ADGRV1: variants seen among roughly 807,000 people sequenced by gnomAD.
ADGRV1 encodes adhesion G protein-coupled receptor V1.
ADGRV1 carries 359 observed loss-of-function variants against 596.2 expected under a neutral mutation model. That is an observed-to-expected ratio of 0.60 (90% confidence interval 0.55 to 0.66). ADGRV1 has a LOEUF of 0.66. Among genes scored for constraint, ADGRV1 ranks in the 30% least tolerant of loss-of-function variants. The probability of loss-of-function intolerance (pLI) is 0.00; values close to 1 mark genes in which losing one functional copy is unlikely to be tolerated. For missense variants in ADGRV1, 7,274 were observed against 7,575.6 expected, an observed-to-expected ratio of 0.96 and a Z score of 1.48; for synonymous variants, 2,681 against 2,679.2, an observed-to-expected ratio of 1.00 and a Z score of -0.02.
At chr5:90,871,621 AC>A in intron 83 of ADGRV1, among the ~76,000 whole-genome samples, 1 of 152,342 alleles carries the variant, frequency 6.6e-6, no homozygotes, top group East Asian at 1.9e-4. Context: ...TCCAGACTTT[AC>A]CAAAAAATAC....
At chr5:90,979,663 CAT>C (rs1055995905) in intron 84 of ADGRV1, among the ~76,000 whole-genome samples, 2 of 152,130 alleles carry the variant, frequency 1.3e-5, no homozygotes, top group African/African-American at 4.8e-5. Flanking sequence ...GCTAAAAAAA[CAT>C]AGTCTGCATA....
chr5:90,960,161 C>T (rs1036419366), intron 83 of ADGRV1, among the ~76,000 whole-genome samples: 6 of 134,748 alleles, frequency 4.5e-5, no homozygotes, highest in Non-Finnish European at 9.3e-5. Context: ...AAACAAAAAA[C>T]AGATCAGTGT....
intron 85 of ADGRV1, among the ~76,000 whole-genome samples, chr5:91,037,104 T>C (rs1018905241): frequency 6.6e-6 from 1 of 152,162 alleles, no homozygotes. Flanking sequence ...CAGTTCTCCT[T>C]GCCCCAAAGA....
At chr5:90,915,811 G>A (rs1324420139) in intron 83 of ADGRV1, among the ~76,000 whole-genome samples, 2 of 152,188 alleles carry the variant, frequency 1.3e-5, no homozygotes, top group Non-Finnish European at 2.9e-5. Flanking sequence ...GATTTTAACT[G>A]TAAAAATGCA....
In ADGRV1 at chr5:90,783,954, T is replaced by A; in HGVS notation, c.13550T>A (p.Ile4517Lys). ...IAKSDSPFGV[I>K]RFLNQSKISI... ...AAGAGTGACTCTCCCTTTGGAGTTATAAGGTTTCTCAATCAAAGCAAAATT... is the reference window on the plus strand; with the variant it reads ...AAGAGTGACTCTCCCTTTGGAGTTAAAAGGTTTCTCAATCAAAGCAAAATT... The change falls in exon 67 of 90, where the codon ATA becomes AAA. Residue 4517 changes from isoleucine to lysine, a missense_variant. Coordinates refer to ENST00000405460, the MANE Select transcript of ADGRV1 (RefSeq NM_032119.4). 6.2e-7 allele frequency: 1 copy of A among 1,612,400 alleles called. No homozygotes were observed. Among genetic ancestry groups the A allele is most frequent in the Non-Finnish European group, 8.5e-7 (1 of 1,179,232 alleles).
intron 21 of ADGRV1, among the ~76,000 whole-genome samples, chr5:90,670,740 A>G (rs757665258): frequency 4.8e-4 from 73 of 152,190 alleles, no homozygotes; most frequent in Non-Finnish European, 9.3e-4. Flanking sequence ...AGCAGCAGAG[A>G]CCAAAGCTAA....
intron 83 of ADGRV1, among the ~76,000 whole-genome samples, chr5:90,878,158 T>C (rs1233726801): frequency 6.6e-6 from 1 of 152,138 alleles, no homozygotes; most frequent in Non-Finnish European, 1.5e-5. Flanking sequence ...AGAAGCAAGT[T>C]TGAGAGAATA....
rs1436886858 is a variant in ADGRV1 at position 90,992,967 on chromosome 5, A to G, written c.18152+7445A>G. On this transcript the variant is annotated intron_variant, in intron 85 of 89. Coordinates refer to ENST00000405460, the MANE Select transcript of ADGRV1 (RefSeq NM_032119.4). ...TACATACTTACATAATTATAGCACA[A>G]TGATCATAACTAGGAAATTAACAAT... 2.6e-5 allele frequency among the ~76,000 whole-genome samples: 4 copies of G among 152,240 alleles called. No homozygotes were observed. The East Asian group carries it at 5.8e-4, about 22-fold the overall frequency.
intron 59 of ADGRV1, among the ~76,000 whole-genome samples, chr5:90,769,112 G>A (rs1757430312): frequency 6.6e-6 from 1 of 152,122 alleles, no homozygotes; most frequent in Admixed American, 6.5e-5. Flanking sequence ...ATTTGCAAAG[G>A]AGCCTGTCAG....
chr5:90,560,862 G>A (rs1356383413), intron 1 of ADGRV1, among the ~76,000 whole-genome samples: 1 of 152,240 alleles, frequency 6.6e-6, no homozygotes, highest in Middle Eastern at 3.4e-3. Flanking sequence ...AAAAATGTGA[G>A]AGGGCAGAAG....
chr5:91,040,590 A>G (rs1425613799), intron 85 of ADGRV1, among the ~76,000 whole-genome samples: 1 of 152,212 alleles, frequency 6.6e-6, no homozygotes, highest in Non-Finnish European at 1.5e-5. Flanking sequence ...AGGTGGTATC[A>G]TCATACATAC....
chr5:90,868,648 CT>C (rs35485525), intron 83 of ADGRV1, among the ~76,000 whole-genome samples: 9,941 of 137,072 alleles, frequency 0.073, 307 homozygotes, highest in East Asian at 0.17. Context: ...GTATGTAAGC[CT>C]TTTTTTTTTT....
At chr5:90,566,318 T>A (rs1755624926) in intron 1 of ADGRV1, among the ~76,000 whole-genome samples, 1 of 152,144 alleles carries the variant, frequency 6.6e-6, no homozygotes, top group Admixed American at 6.5e-5. Flanking sequence ...AGGTTTTTAT[T>A]CCATTTTGTG....
chr5:91,108,517 T>G (rs1394192873), intron 87 of ADGRV1, among the ~76,000 whole-genome samples: 1 of 152,196 alleles, frequency 6.6e-6, no homozygotes, highest in African/African-American at 2.4e-5. Flanking sequence ...ATTTTAAGTT[T>G]TTTAAAAAAT....
At chr5:91,110,192 A>C (rs1423761822) in intron 87 of ADGRV1, among the ~76,000 whole-genome samples, 2 of 152,214 alleles carry the variant, frequency 1.3e-5, no homozygotes, top group Non-Finnish European at 2.9e-5. Flanking sequence ...TATAGGTCAT[A>C]AGTTTCTTAA....
intron 71 of ADGRV1, among the ~76,000 whole-genome samples, chr5:90,804,317 A>T (rs972301064): frequency 2.6e-5 from 4 of 152,056 alleles, no homozygotes; most frequent in African/African-American, 9.7e-5. Context: ...CATGAGAATC[A>T]CTTGAACCTG....
intron 84 of ADGRV1, among the ~76,000 whole-genome samples, chr5:90,976,719 A>G (rs552013230): frequency 6.6e-6 from 1 of 151,950 alleles, no homozygotes; most frequent in Non-Finnish European, 1.5e-5. Context: ...TTGCCTGTAT[A>G]TTCATTTGGC....
chr5:90,781,702 A>T, intron 65 of ADGRV1, 124 bp downstream of exon 65: 1 of 805,086 alleles, frequency 1.2e-6, no homozygotes, highest in Non-Finnish European at 1.9e-6. Flanking sequence ...TTACACATAT[A>T]CACTTTTATA....
chr5:90,643,107 A>G, intron 13 of ADGRV1, 66 bp downstream of exon 13: 3 of 1,338,328 alleles, frequency 2.2e-6, no homozygotes, highest in South Asian at 1.4e-5. Context: ...TATTATGAAT[A>G]TAAATATTTT....
Sources: allele counts gnomAD v4.1 joint callset (sites outside exome capture counted in the v4.1 genomes callset), GRCh38; gene constraint gnomAD v4.1.1; transcripts MANE v1.5; gene names NCBI Gene and HGNC (gene_info 2026-07-23, HGNC 2026-07-21).